CLASP2: variants seen among roughly 807,000 people sequenced by gnomAD.
The protein encoded by CLASP2 is CLIP-associating protein 2.
A neutral mutation model predicts 194.4 loss-of-function variants in CLASP2; 47 were observed. That is an observed-to-expected ratio of 0.24 (90% confidence interval 0.19 to 0.31). The LOEUF is 0.31. Ranked by LOEUF, CLASP2 falls within the 10% of genes least tolerant of loss-of-function variation. The pLI, the probability that CLASP2 is intolerant of heterozygous loss-of-function variation, is 1.00. For missense variants in CLASP2, 1,445 were observed against 1,823.6 expected (o/e 0.79, Z 3.78); for synonymous variants, 619 against 633.5 (o/e 0.98, Z 0.34).
intron 32 of CLASP2, among the ~76,000 whole-genome samples, chr3:33,540,438 C>T (rs918901141): frequency 6.6e-6 from 1 of 151,842 alleles, no homozygotes; most frequent in Non-Finnish European, 1.5e-5. Flanking sequence ...GATGGGGTCT[C>T]AATATGTTGC....
At chr3:33,706,731 A>G (rs1284286693) in intron 1 of CLASP2, among the ~76,000 whole-genome samples, 1 of 152,036 alleles carries the variant, frequency 6.6e-6, no homozygotes, top group Non-Finnish European at 1.5e-5. Context: ...AGATGCCAAG[A>G]CGGGAGGAAT....
At chr3:33,659,992 A>G (rs995992673) in intron 7 of CLASP2, among the ~76,000 whole-genome samples, 1 of 152,204 alleles carries the variant, frequency 6.6e-6, no homozygotes, top group Non-Finnish European at 1.5e-5. Context: ...CTCCAAGAAC[A>G]ATTCTTTTCC....
At chr3:33,568,252 G>C (rs1217298102) in intron 26 of CLASP2, among the ~76,000 whole-genome samples, 4 of 151,980 alleles carry the variant, frequency 2.6e-5, no homozygotes, top group Admixed American at 2.0e-4. Flanking sequence ...AGTGATACAT[G>C]AAAATTATAT....
rs1310733646 is a variant in CLASP2, at chr3:33,576,107, CT to C, written c.2454+61del. The C allele has an allele frequency of 5.4e-6, 7 of 1,289,750 alleles. No individual in the cohort carries two copies. In the East Asian group the frequency reaches 1.6e-4, roughly 30 times the overall value. 79.9% of individuals were successfully genotyped at this position (1,289,750 alleles called of 1,614,324 possible). A position where few individuals can be genotyped will look rare whatever the true frequency, so the allele number is the denominator to read the frequency against. Reference sequence around the variant, plus strand: ...CCCTTTCCCACATGGATAGACTGGCCTACTCATTCAACAGTTTCGTAATTGG... The same window carrying C: ...CCCTTTCCCACATGGATAGACTGGCCACTCATTCAACAGTTTCGTAATTGG... On this transcript the variant is annotated intron_variant, in intron 24 of 38. Coordinates refer to ENST00000682230, the MANE Select transcript of CLASP2 (RefSeq NM_001365631.1).
At chr3:33,527,142 T>C (rs931730418) in intron 34 of CLASP2, among the ~76,000 whole-genome samples, 5 of 151,824 alleles carry the variant, frequency 3.3e-5, no homozygotes, top group Non-Finnish European at 7.4e-5. Context: ...ATGAAAGAAA[T>C]TGAGACACAA....
chr3:33,618,047 C>T (rs2076500544), intron 12 of CLASP2, among the ~76,000 whole-genome samples: 1 of 150,552 alleles, frequency 6.6e-6, no homozygotes, highest in Non-Finnish European at 1.5e-5. Flanking sequence ...CTCCCGGATT[C>T]AAGTGATTCT....
intron 1 of CLASP2, among the ~76,000 whole-genome samples, chr3:33,698,454 C>T (rs2092122934): frequency 6.6e-6 from 1 of 152,076 alleles, no homozygotes; most frequent in Non-Finnish European, 1.5e-5. Context: ...AAGAATGACG[C>T]TGTTTCCCCC....
At chr3:33,527,170 C>G (rs934007696) in intron 34 of CLASP2, among the ~76,000 whole-genome samples, 9 of 152,036 alleles carry the variant, frequency 5.9e-5, no homozygotes, top group Non-Finnish European at 1.2e-4. Flanking sequence ...TTCAAAAGAT[C>G]AATGGATTCA....
At chr3:33,519,587 TAATAA>T (rs1346069810) in intron 34 of CLASP2, among the ~76,000 whole-genome samples, 5 of 152,144 alleles carry the variant, frequency 3.3e-5, no homozygotes, top group African/African-American at 4.8e-5. Flanking sequence ...ACAATGTTCA[TAATAA>T]AATAATGTCA....
At chr3:33,509,823 C>A (rs574481146) in intron 37 of CLASP2, among the ~76,000 whole-genome samples, 1 of 152,100 alleles carries the variant, frequency 6.6e-6, no homozygotes, top group East Asian at 1.9e-4. Context: ...GTTTATGTAG[C>A]TAAAGAGAAA....
chr3:33,635,736 T>C (rs2080019597), intron 8 of CLASP2, among the ~76,000 whole-genome samples: 1 of 152,196 alleles, frequency 6.6e-6, no homozygotes, highest in African/African-American at 2.4e-5. Context: ...AAAAAGTTTT[T>C]CCTTATCCAG....
chr3:33,572,994 T>C, intron 25 of CLASP2, 116 bp downstream of exon 25: 2 of 1,173,614 alleles, frequency 1.7e-6, no homozygotes, highest in Non-Finnish European at 1.2e-6. Context: ...GAAGCAACCA[T>C]ATGAATTCAG....
At chr3:33,547,916 G>A (rs2059408633) in intron 30 of CLASP2, among the ~76,000 whole-genome samples, 1 of 151,032 alleles carries the variant, frequency 6.6e-6, no homozygotes, top group Admixed American at 6.7e-5. Context: ...AGCCTCCTGA[G>A]TAGCTGGGAC....
chr3:33,543,530 C>A lies in CLASP2; in HGVS notation c.3307G>T (p.Gly1103Trp). 6.2e-7 allele frequency: 1 copy of A among 1,606,398 alleles called. No individual in the cohort carries two copies. The highest frequency in any genetic ancestry group is 8.5e-7 in the Non-Finnish European group (1 of 1,173,172). ...GGTGTTGGTCTTGTCAAAGGACTCCCCATGGAACTCTGATGAAGGGAGTCA... is the reference window on the plus strand; with the variant it reads ...GGTGTTGGTCTTGTCAAAGGACTCCACATGGAACTCTGATGAAGGGAGTCA... The part of the protein sequence containing the change: ...NTGNGTQSSM[G>W]SPLTRPTPRS... The change falls in exon 32 of 39, where the codon GGG becomes TGG. Residue 1103 changes from glycine to tryptophan, a missense_variant. Coordinates refer to ENST00000682230, the MANE Select transcript of CLASP2 (RefSeq NM_001365631.1).
At chr3:33,541,763 T>C (rs567789160) in intron 32 of CLASP2, among the ~76,000 whole-genome samples, 11 of 152,332 alleles carry the variant, frequency 7.2e-5, no homozygotes, top group South Asian at 2.1e-4. Flanking sequence ...GTTGATTCCA[T>C]GTCTTTGCTA....
chr3:33,600,867 G>T (rs1280548206), intron 18 of CLASP2, among the ~76,000 whole-genome samples: 1 of 149,802 alleles, frequency 6.7e-6, no homozygotes, highest in Non-Finnish European at 1.5e-5. Flanking sequence ...CAAACATTCT[G>T]ATTTAAAAAT....
chr3:33,564,657 C>A (rs1184335686), intron 27 of CLASP2, among the ~76,000 whole-genome samples: 1 of 152,182 alleles, frequency 6.6e-6, no homozygotes, highest in Non-Finnish European at 1.5e-5. Context: ...GTGGCACGAT[C>A]ATGGTACACT....
intron 7 of CLASP2, among the ~76,000 whole-genome samples, chr3:33,660,849 C>CAGTTTT (rs944456833): frequency 1.1e-4 from 17 of 152,128 alleles, no homozygotes; most frequent in African/African-American, 3.9e-4. Context: ...ACTTTATTTA[C>CAGTTTT]AGTTTTAGTT....
chr3:33,547,640 C>T (rs2059357246), intron 30 of CLASP2, among the ~76,000 whole-genome samples: 1 of 152,108 alleles, frequency 6.6e-6, no homozygotes, highest in African/African-American at 2.4e-5. Flanking sequence ...CAGAATAAAA[C>T]TGGTCTCATA....
Sources: gnomAD v4.1 joint callset for allele counts (sites outside exome capture counted in the v4.1 genomes callset) on GRCh38, gnomAD v4.1.1 for gene constraint, MANE v1.5 for transcripts, NCBI Gene and HGNC (gene_info 2026-07-23, HGNC 2026-07-21) for gene names.